The following PRELID2 variants were observed in gnomAD, a reference collection of about 807,000 sequenced individuals.
PRELID2 encodes PRELI domain-containing protein 2.
In PRELID2, 25 loss-of-function variants were observed where a neutral mutation model predicts 28.4. That is an observed-to-expected ratio of 0.88 (90% confidence interval 0.64 to 1.23). The LOEUF (loss-of-function observed/expected upper bound fraction) is 1.23, where lower values mean the gene tolerates loss of function less well. PRELID2 is among the 50% of genes most tolerant of loss of function. PRELID2 has a pLI of 0.00. For missense variants in PRELID2, 201 were observed against 214.4 expected, an observed-to-expected ratio of 0.94 and a Z score of 0.39; for synonymous variants, 76 against 71.6, an observed-to-expected ratio of 1.06 and a Z score of -0.31.
chr5:145,761,435 C>A (rs946039396), intron 6 of PRELID2, among the ~76,000 whole-genome samples: 2 of 152,150 alleles, frequency 1.3e-5, no homozygotes, highest in South Asian at 2.1e-4. Flanking sequence ...ATAAAATCAG[C>A]CAAGTCTTCA....
chr5:145,816,958 G>A (rs929496018), intron 4 of PRELID2, among the ~76,000 whole-genome samples: 2 of 151,768 alleles, frequency 1.3e-5, no homozygotes, highest in Non-Finnish European at 2.9e-5. Context: ...CCAGGAGTTT[G>A]AGACCAGCCT....
At chr5:145,460,724 A>C in the PRELID2 span, among the ~76,000 whole-genome samples, 12 of 152,350 alleles carry the variant, frequency 7.9e-5, no homozygotes, top group East Asian at 1.9e-4. Context: ...TACATTTCAC[A>C]CAGTCACATA....
chr5:145,404,268 CT>C, the PRELID2 span, among the ~76,000 whole-genome samples: 67 of 152,282 alleles, frequency 4.4e-4, no homozygotes, highest in Admixed American at 1.4e-3. Flanking sequence ...GCTTATTTTC[CT>C]TTCCGCACAC....
chr5:145,633,712 C>T (rs900015868), intron 1 of PRELID2, among the ~76,000 whole-genome samples: 1 of 152,146 alleles, frequency 6.6e-6, no homozygotes, highest in African/African-American at 2.4e-5. Flanking sequence ...TCAAATCAGC[C>T]GCCCTACTTG....
the PRELID2 span, among the ~76,000 whole-genome samples, chr5:145,371,440 G>T: frequency 6.6e-6 from 1 of 152,004 alleles, no homozygotes; most frequent in Non-Finnish European, 1.5e-5. Flanking sequence ...GTTGAACCAG[G>T]CTTGCATCCC....
At chr5:145,612,560 C>T (rs1288684113) in intron 1 of PRELID2, among the ~76,000 whole-genome samples, 1 of 152,090 alleles carries the variant, frequency 6.6e-6, no homozygotes, top group Admixed American at 6.5e-5. Flanking sequence ...GCACCCATCA[C>T]CCAAGCAGTA....
At chr5:145,302,234 A>G in the PRELID2 span, among the ~76,000 whole-genome samples, 153 of 151,802 alleles carry the variant, frequency 1.0e-3, no homozygotes, top group Middle Eastern at 3.4e-3. Flanking sequence ...ATCTTGGCTC[A>G]CATCAAGGCT....
chr5:145,642,111 A>G (rs1361635098), intron 1 of PRELID2, among the ~76,000 whole-genome samples: 8 of 152,148 alleles, frequency 5.3e-5, no homozygotes, highest in African/African-American at 1.9e-4. Flanking sequence ...CAATGGTTGA[A>G]CTAATTTACA....
the PRELID2 span, among the ~76,000 whole-genome samples, chr5:145,406,331 T>TA: frequency 6.6e-6 from 1 of 152,354 alleles, no homozygotes; most frequent in African/African-American, 2.4e-5. Flanking sequence ...ATAAGGTTTT[T>TA]ATGTCTTTAA....
At chr5:145,558,101 C>T (rs1160432974) in intron 1 of PRELID2, among the ~76,000 whole-genome samples, 1 of 152,186 alleles carries the variant, frequency 6.6e-6, no homozygotes, top group Non-Finnish European at 1.5e-5. Context: ...AATCTGGTTT[C>T]AAATACTGAC....
chr5:145,699,990 C>T (rs574205350), intron 1 of PRELID2, among the ~76,000 whole-genome samples: 1 of 152,234 alleles, frequency 6.6e-6, no homozygotes, highest in East Asian at 1.9e-4. Context: ...AATTTCCCAA[C>T]TGAAAAACAA....
At chr5:145,337,047 G>C in the PRELID2 span, among the ~76,000 whole-genome samples, 1 of 151,298 alleles carries the variant, frequency 6.6e-6, no homozygotes, top group Non-Finnish European at 1.5e-5. Flanking sequence ...CACCAGCATT[G>C]CACATGTATA....
At chr5:145,558,792 A>G (rs1415032108) in intron 1 of PRELID2, among the ~76,000 whole-genome samples, 1 of 152,192 alleles carries the variant, frequency 6.6e-6, no homozygotes, top group Non-Finnish European at 1.5e-5. Context: ...GAAAATATGA[A>G]AAGCATTCAT....
At chr5:145,601,260 T>C (rs902987823) in intron 1 of PRELID2, among the ~76,000 whole-genome samples, 1 of 151,976 alleles carries the variant, frequency 6.6e-6, no homozygotes, top group South Asian at 2.1e-4. Flanking sequence ...CACAGCAGAT[T>C]AGAAACAGTT....
At chr5:145,442,734 T>C in the PRELID2 span, among the ~76,000 whole-genome samples, 4 of 152,190 alleles carry the variant, frequency 2.6e-5, no homozygotes, top group South Asian at 8.3e-4. Flanking sequence ...ATTTACAATA[T>C]AGCGTGTGCA....
chr5:145,671,766 G>C (rs1385723620), intron 1 of PRELID2, among the ~76,000 whole-genome samples: 1 of 152,118 alleles, frequency 6.6e-6, no homozygotes, highest in Non-Finnish European at 1.5e-5. Context: ...TGATATGTAA[G>C]ATATAACCTA....
At chr5:145,450,437 A>C in the PRELID2 span, among the ~76,000 whole-genome samples, 1 of 152,088 alleles carries the variant, frequency 6.6e-6, no homozygotes, top group African/African-American at 2.4e-5. Context: ...GCACAAGGAG[A>C]AGCAACAATC....
intron 1 of PRELID2, among the ~76,000 whole-genome samples, chr5:145,622,486 G>A (rs944525153): frequency 6.6e-6 from 1 of 152,106 alleles, no homozygotes; most frequent in Non-Finnish European, 1.5e-5. Context: ...TGATTAGTGA[G>A]CAAAGAAACT....
intron 1 of PRELID2, among the ~76,000 whole-genome samples, chr5:145,538,163 T>C (rs1378368873): frequency 1.3e-5 from 2 of 151,978 alleles, no homozygotes; most frequent in Non-Finnish European, 2.9e-5. Context: ...AGTGAATTTA[T>C]TTCTGGGCTC....
Sources: allele counts gnomAD v4.1 joint callset (sites outside exome capture counted in the v4.1 genomes callset), GRCh38; gene constraint gnomAD v4.1.1; transcripts MANE v1.5; gene names NCBI Gene and HGNC (gene_info 2026-07-23, HGNC 2026-07-21).